The following ATP8A2 variants were observed in gnomAD, a reference collection of about 807,000 sequenced individuals.
ATP8A2 encodes the protein ATPase phospholipid transporting 8A2.
A neutral mutation model predicts 165.6 loss-of-function variants in ATP8A2; 100 were observed. The observed-to-expected ratio is 0.60, with a 90% CI of 0.51 to 0.71. The LOEUF is 0.71. Ranked by LOEUF, ATP8A2 falls within the 30% of genes least tolerant of loss-of-function variation. ATP8A2 has a pLI of 0.00. For synonymous variants in ATP8A2, 543 were observed against 548.8 expected, an observed-to-expected ratio of 0.99 and a Z score of 0.15; for missense variants, 1,227 against 1,479.5, an observed-to-expected ratio of 0.83 and a Z score of 2.80.
chr13:25,573,651 G>A (rs1396638632), intron 18 of ATP8A2, among the ~76,000 whole-genome samples: 3 of 150,408 alleles, frequency 2.0e-5, no homozygotes, highest in African/African-American at 4.8e-5. Flanking sequence ...GCATGTGGAC[G>A]TGGTTGATAT....
At chr13:25,805,313 A>C (rs564419009) in intron 27 of ATP8A2, among the ~76,000 whole-genome samples, 3 of 152,170 alleles carry the variant, frequency 2.0e-5, no homozygotes, top group African/African-American at 7.2e-5. Context: ...GTTCGATACC[A>C]GCCTGCGCAA....
rs530251864 is a variant in ATP8A2, at chr13:25,609,972, T to C, written c.2211+20273T>C. 2.6e-5 allele frequency among the ~76,000 whole-genome samples: 4 copies of C among 152,198 alleles called. No homozygotes were observed. In the South Asian group the frequency reaches 8.3e-4, roughly 32 times the overall value. ...CCACTTTTTGATAGGATTGTTTTTT[T>C]ATTGCTGATTTGTTTGAGTTCCTTG... On this transcript the variant is annotated intron_variant, in intron 24 of 36. Coordinates refer to ENST00000381655, the MANE Select transcript of ATP8A2 (RefSeq NM_016529.6).
chr13:25,795,290 A>G (rs1259187011), intron 27 of ATP8A2, among the ~76,000 whole-genome samples: 1 of 152,234 alleles, frequency 6.6e-6, no homozygotes, highest in Non-Finnish European at 1.5e-5. Flanking sequence ...TTAAGAAGAT[A>G]TTTAAAATGC....
intron 2 of ATP8A2, among the ~76,000 whole-genome samples, chr13:25,526,681 C>T (rs929066928): frequency 3.3e-5 from 5 of 152,212 alleles, no homozygotes; most frequent in Non-Finnish European, 7.3e-5. Context: ...GAACCTCCTA[C>T]AGCATGGTGC....
At chr13:25,971,061 C>T (rs1955900069) in intron 35 of ATP8A2, among the ~76,000 whole-genome samples, 1 of 152,108 alleles carries the variant, frequency 6.6e-6, no homozygotes, top group South Asian at 2.1e-4. Context: ...GGCCTGCATA[C>T]TCCCGTTTGG....
At chr13:25,968,368 G>A (rs780993888) in intron 34 of ATP8A2, among the ~76,000 whole-genome samples, 1 of 152,118 alleles carries the variant, frequency 6.6e-6, no homozygotes, top group Admixed American at 6.5e-5. Flanking sequence ...TGCATGATCC[G>A]GGTCTGGTCT....
intron 33 of ATP8A2, chr13:25,868,028 G>A (rs765776240): frequency 3.1e-5 from 13 of 424,600 alleles, no homozygotes; most frequent in Admixed American, 1.1e-4. Context: ...CAGGTGGGGC[G>A]CTCAGTGAGA....
intron 33 of ATP8A2, among the ~76,000 whole-genome samples, chr13:25,939,940 C>A (rs1300190204): frequency 6.6e-6 from 1 of 152,182 alleles, no homozygotes; most frequent in Non-Finnish European, 1.5e-5. Flanking sequence ...AACTCCCCTG[C>A]CCTTCTTGGT....
intron 25 of ATP8A2, among the ~76,000 whole-genome samples, chr13:25,766,560 A>T (rs566088006): frequency 6.6e-6 from 1 of 152,112 alleles, no homozygotes; most frequent in Non-Finnish European, 1.5e-5. Context: ...TTCACAAGGC[A>T]TTTGCTTTTT....
intron 33 of ATP8A2, among the ~76,000 whole-genome samples, chr13:25,929,006 T>C (rs1954690825): frequency 6.6e-6 from 1 of 152,152 alleles, no homozygotes. Context: ...TCTCTGTCTT[T>C]TTTGGGAATC....
intron 1 of ATP8A2, among the ~76,000 whole-genome samples, chr13:25,427,723 A>T (rs2034490858): frequency 6.6e-6 from 1 of 152,048 alleles, no homozygotes; most frequent in Non-Finnish European, 1.5e-5. Flanking sequence ...GTGAAACCTC[A>T]TCTCTGCTAA....
chr13:25,450,347 A>G (rs1010495125), intron 1 of ATP8A2, among the ~76,000 whole-genome samples: 1 of 138,614 alleles, frequency 7.2e-6, no homozygotes, highest in Non-Finnish European at 1.6e-5. Context: ...CAGTAATGGG[A>G]TTTCTGGGTT....
At chr13:25,378,101 C>T (rs377094395) in intron 1 of ATP8A2, among the ~76,000 whole-genome samples, 7 of 151,568 alleles carry the variant, frequency 4.6e-5, no homozygotes, top group East Asian at 1.9e-4. Flanking sequence ...GACAACAGAG[C>T]GAGACCCTTC....
At chr13:25,974,806 G>A (rs1423076040) in intron 35 of ATP8A2, among the ~76,000 whole-genome samples, 1 of 152,016 alleles carries the variant, frequency 6.6e-6, no homozygotes, top group Non-Finnish European at 1.5e-5. Flanking sequence ...GCCAGGTCTC[G>A]GCGTCTTCCC....
At chr13:25,753,512 T>G (rs2044198261) in intron 25 of ATP8A2, among the ~76,000 whole-genome samples, 1 of 152,196 alleles carries the variant, frequency 6.6e-6, no homozygotes, top group Non-Finnish European at 1.5e-5. Context: ...CCACAAATAC[T>G]CTCTGAGTGC....
chr13:25,490,087 T>C (rs1485756261), intron 2 of ATP8A2, among the ~76,000 whole-genome samples: 1 of 152,214 alleles, frequency 6.6e-6, no homozygotes, highest in Admixed American at 6.5e-5. Flanking sequence ...AGGTTACTCC[T>C]TAGCTTTTCG....
chr13:25,580,717 A>G (rs935289029), intron 22 of ATP8A2, among the ~76,000 whole-genome samples: 1 of 152,040 alleles, frequency 6.6e-6, no homozygotes, highest in African/African-American at 2.4e-5. Context: ...TATTTTTTGT[A>G]GAGATTGGGT....
intron 33 of ATP8A2, among the ~76,000 whole-genome samples, chr13:25,918,306 G>C (rs1954327837): frequency 6.6e-6 from 1 of 152,170 alleles, no homozygotes; most frequent in Non-Finnish European, 1.5e-5. Flanking sequence ...ATAGGAAGGA[G>C]GGAAATTTGT....
chr13:25,766,025 G>T (rs540630477), intron 25 of ATP8A2, among the ~76,000 whole-genome samples: 3 of 152,274 alleles, frequency 2.0e-5, no homozygotes, highest in African/African-American at 7.2e-5. Context: ...GTGACATACG[G>T]ACTTAAGGAG....
Sources: gnomAD v4.1 joint callset for allele counts (sites outside exome capture counted in the v4.1 genomes callset) on GRCh38, gnomAD v4.1.1 for gene constraint, MANE v1.5 for transcripts, NCBI Gene and HGNC (gene_info 2026-07-23, HGNC 2026-07-21) for gene names.